PLEKHO1: variants seen among roughly 807,000 people sequenced by gnomAD.
PLEKHO1 encodes the protein pleckstrin homology domain containing O1, also known as pleckstrin homology domain-containing family O member 1.
Under a neutral mutation model 41.4 loss-of-function variants are expected in PLEKHO1, and 22 were observed. That is an observed-to-expected ratio of 0.53 (90% CI 0.38 to 0.76). The LOEUF is 0.76. Among genes scored for constraint, PLEKHO1 ranks in the 30% least tolerant of loss-of-function variants. The pLI is 0.00. For synonymous variants in PLEKHO1, 225 were observed against 210.8 expected (o/e 1.07, Z -0.58); for missense variants, 488 against 518.3 (o/e 0.94, Z 0.57).
At chr1:150,151,510 A>G (rs1659928069) in intron 2 of PLEKHO1, among the ~76,000 whole-genome samples, 1 of 151,986 alleles carries the variant, frequency 6.6e-6, no homozygotes, top group African/African-American at 2.4e-5. Context: ...TCCGTGGCGC[A>G]TCCGCCCTGA....
chr1:150,149,950 G>T lies in PLEKHO1; in HGVS notation c.-308G>T. On this transcript the variant is annotated 5_prime_UTR_variant, in exon 1 of 6. Transcript: ENST00000369124. ...CGGGCCGGGGGAGCGGCCGCGCTGGGCCGGGCGGGCGGGTGGCGGGGGTGC... is the reference window on the plus strand; with the variant it reads ...CGGGCCGGGGGAGCGGCCGCGCTGGTCCGGGCGGGCGGGTGGCGGGGGTGC... 6.6e-6 allele frequency: 1 copy of T among 151,362 alleles called. No homozygotes were observed. Among genetic ancestry groups the T allele is most frequent in the Non-Finnish European group, 1.5e-5 (1 of 68,130 alleles). 9.4% of individuals were successfully genotyped at this position (151,362 alleles called of 1,614,324 possible). A position where few individuals can be genotyped will look rare whatever the true frequency, so the allele number is the denominator to read the frequency against.
intron 3 of PLEKHO1, among the ~76,000 whole-genome samples, chr1:150,156,445 C>A (rs1660171888): frequency 6.6e-6 from 1 of 152,140 alleles, no homozygotes; most frequent in Non-Finnish European, 1.5e-5. Flanking sequence ...CTTTATTTTT[C>A]TCTGTCTTAT....
intron 2 of PLEKHO1, 57 bp downstream of exon 2, chr1:150,151,115 C>T: frequency 6.3e-7 from 1 of 1,594,372 alleles, no homozygotes; most frequent in African/African-American, 1.3e-5. Context: ...TTTGTCACTC[C>T]CCAAGGGCTC....
At chr1:150,152,696 A>AAAAAAC (rs1659995493) in intron 2 of PLEKHO1, 2 of 140,756 alleles carry the variant, frequency 1.4e-5, no homozygotes, top group South Asian at 2.1e-4. Flanking sequence ...ATTAAAAAAA[A>AAAAAAC]AAAAAAAAAA....
At chr1:150,151,802 G>C (rs1659946893) in intron 2 of PLEKHO1, among the ~76,000 whole-genome samples, 1 of 152,204 alleles carries the variant, frequency 6.6e-6, no homozygotes, top group Non-Finnish European at 1.5e-5. Context: ...GTCAAGACCT[G>C]AGCTATGATA....
intron 2 of PLEKHO1, chr1:150,153,583 CTT>C (rs1254331724): frequency 2.6e-5 from 4 of 152,066 alleles, no homozygotes; most frequent in African/African-American, 4.8e-5. Flanking sequence ...TCACCAGTCT[CTT>C]TTGTTATTTC....
At chr1:150,155,958 C>G in intron 2 of PLEKHO1, 108 bp from the exon 3 acceptor site, 1 of 1,038,584 alleles carries the variant, frequency 9.6e-7, no homozygotes, top group Non-Finnish European at 1.4e-6. Flanking sequence ...CCTGGCGTGC[C>G]TCCCTCTCCT....
Position 150,157,456 on chromosome 1 carries a change from C to T in PLEKHO1, c.495C>T (p.Arg165=), listed in dbSNP as rs1660220197. The change falls in exon 5 of 6, where the codon CGC becomes CGT. Residue 165 remains arginine (R), a synonymous_variant. Transcript: ENST00000369124. The part of the protein sequence containing the change: ...RDRAKIQHSR[R]PPTRGHLMAV... ...GGGCAAAAATCCAGCACTCCCGCCG[C>T]CCCCCAACAAGGGGACACCTAATGG... 1 of 1,613,234 alleles carries T rather than the reference C, an allele frequency of 6.2e-7. No homozygotes were observed. The highest frequency in any genetic ancestry group is 1.7e-5 in the Admixed American group (1 of 60,012).
Position 150,159,581 on chromosome 1 carries a change from G to A in PLEKHO1, c.*58G>A. ...GACAGACTCTTATCTCCGTGTTGCTGGATAAAGCTTTTTTATTTACCTCAA... is the reference window on the plus strand; with the variant it reads ...GACAGACTCTTATCTCCGTGTTGCTAGATAAAGCTTTTTTATTTACCTCAA... On this transcript the variant is annotated 3_prime_UTR_variant, in exon 6 of 6. Coordinates refer to ENST00000369124, the MANE Select transcript of PLEKHO1 (RefSeq NM_016274.6). The A allele has an allele frequency of 8.6e-7, 1 of 1,158,052 alleles. No individual in the cohort carries two copies. The highest frequency in any genetic ancestry group is 1.6e-5 in the South Asian group (1 of 60,964). 71.7% of individuals were successfully genotyped at this position (1,158,052 alleles called of 1,614,324 possible).
intron 2 of PLEKHO1, chr1:150,154,223 G>A (rs1195398667): frequency 6.6e-6 from 1 of 152,324 alleles, no homozygotes; most frequent in Non-Finnish European, 1.5e-5. Context: ...TCTCAGCTCT[G>A]GAGAAGGAGG....
In PLEKHO1 at chr1:150,153,917, GA is replaced by G. The variant is rs11311155; in HGVS notation, c.178-2139del. 8.8e-3 allele frequency: 1,305 copies of G among 147,780 alleles called. 19 individuals are homozygous for G. The highest frequency in any genetic ancestry group is 0.031 in the African/African-American group (1,257 of 40,328). 9.2% of individuals were successfully genotyped at this position (147,780 alleles called of 1,614,324 possible). A position where few individuals can be genotyped will look rare whatever the true frequency, so the allele number is the denominator to read the frequency against. On this transcript the variant is annotated intron_variant, in intron 2 of 5. Transcript: ENST00000369124. ...AGACTCTGGGAATTAGATATGTGGG[GA>G]AAAAAAAAACAATATGGTGGAGAAC...
intron 5 of PLEKHO1, among the ~76,000 whole-genome samples, chr1:150,158,170 A>T (rs1216624906): frequency 1.3e-5 from 2 of 152,192 alleles, no homozygotes; most frequent in African/African-American, 2.4e-5. Context: ...GAGGATGCAG[A>T]TGGAGGAGGA....
intron 2 of PLEKHO1, among the ~76,000 whole-genome samples, chr1:150,152,425 T>C (rs58426216): frequency 0.15 from 22,331 of 151,980 alleles, 1,779 homozygotes; most frequent in Non-Finnish European, 0.17. Context: ...ACCTCATCCT[T>C]GGAGTAGCTG....
chr1:150,158,753 T>C (rs1240821343), intron 5 of PLEKHO1, 66 bp from the exon 6 acceptor site: 1 of 1,084,826 alleles, frequency 9.2e-7, no homozygotes, highest in Admixed American at 2.2e-5. Context: ...TTGCATCTTT[T>C]AGGCAGTCAT....
In PLEKHO1 at chr1:150,157,477, A is replaced by G; in HGVS notation, c.516A>G (p.Leu172=). 2 of 1,610,350 alleles carry G rather than the reference A, an allele frequency of 1.2e-6. No homozygotes were observed. Among genetic ancestry groups the G allele is most frequent in the Non-Finnish European group, 1.7e-6 (2 of 1,176,614 alleles). The part of the protein sequence containing the change: ...HSRRPPTRGH[L]MAVASTSTSD... ...GCCGCCCCCCAACAAGGGGACACCT[A>G]ATGGCTGTGGTATGTAAGACTGTAA... Residue 172 remains leucine, a synonymous_variant, in exon 5 of 6, where the codon CTA becomes CTG. Transcript: ENST00000369124.
rs1553821554 is a variant in PLEKHO1 at position 150,159,359 on chromosome 1, G to T, written c.1066G>T (p.Glu356Ter). ...GTCAGAGCAGCTGCTGCTGGAGACG[G>T]AACGGCTGCTGGGAGAGGCATCATC... ...SESEQLLLETERLLGEASSNW... is the reference protein window; with the variant it reads ...SESEQLLLET Residue 356 changes from glutamate to a stop codon, truncating the protein, a stop_gained, in exon 6 of 6, where the codon GAA becomes TAA. Transcript: ENST00000369124. LOFTEE classifies it high-confidence loss of function. The T allele has an allele frequency of 5.0e-6, 8 of 1,614,202 alleles. No individual in the cohort carries two copies. The highest frequency in any genetic ancestry group is 6.8e-6 in the Non-Finnish European group (8 of 1,180,044).
intron 4 of PLEKHO1, 62 bp from the exon 5 acceptor site, chr1:150,157,323 G>A (rs1253842490): frequency 8.0e-7 from 1 of 1,249,860 alleles, no homozygotes; most frequent in Admixed American, 1.7e-5. Context: ...CAGGCCTCGG[G>A]ATGCTGGGTT....
intron 2 of PLEKHO1, chr1:150,152,628 C>T (rs1391697428): frequency 6.8e-6 from 1 of 146,300 alleles, no homozygotes; most frequent in Non-Finnish European, 1.5e-5. Flanking sequence ...TTAAGAGTTA[C>T]CTCTGCCCAA....
At position 150,149,989 on chromosome 1, in the gene PLEKHO1, G is replaced by C. The variant is rs1174876137; in HGVS notation, c.-269G>C. 6.6e-6 allele frequency: 1 copy of C among 152,588 alleles called. No homozygotes were observed. Among genetic ancestry groups the C allele is most frequent in the Non-Finnish European group, 1.4e-5 (1 of 69,160 alleles). The allele number at this position is 152,588 out of a possible 1,614,324, so 9.5% of individuals were successfully genotyped here. A position where few individuals can be genotyped will look rare whatever the true frequency, so the allele number is the denominator to read the frequency against. Reference sequence around the variant, plus strand: ...TGGCGGGGGTGCGCTCGGGGACCCGGGCCGCGTGGGCGCCGGGATGGAGGG... The same window carrying C: ...TGGCGGGGGTGCGCTCGGGGACCCGCGCCGCGTGGGCGCCGGGATGGAGGG... On this transcript the variant is annotated 5_prime_UTR_variant, in exon 1 of 6. Coordinates refer to ENST00000369124, the MANE Select transcript of PLEKHO1 (RefSeq NM_016274.6).
Sources: allele counts gnomAD v4.1 joint callset (sites outside exome capture counted in the v4.1 genomes callset), GRCh38; gene constraint gnomAD v4.1.1; transcripts MANE v1.5; gene names NCBI Gene and HGNC (gene_info 2026-07-23, HGNC 2026-07-21).